The following NPR1 variants were observed in gnomAD, a reference collection of about 807,000 sequenced individuals.
NPR1 encodes atrial natriuretic peptide receptor 1.
Under a neutral mutation model 116.9 loss-of-function variants are expected in NPR1, and 57 were observed. The observed-to-expected ratio is 0.49, with a 90% CI of 0.39 to 0.61. NPR1 has a LOEUF of 0.61. Among genes scored for constraint, NPR1 ranks in the 20% least tolerant of loss-of-function variants. NPR1 has a pLI of 0.00. For synonymous variants in NPR1, 555 were observed against 601.6 expected, an observed-to-expected ratio of 0.92 and a Z score of 1.13; for missense variants, 1,096 against 1,409.8, an observed-to-expected ratio of 0.78 and a Z score of 3.56.
chr1:153,685,901 C>G lies in NPR1; in HGVS notation c.1680+21C>G, dbSNP rs779449219. On this transcript the variant is annotated intron_variant, in intron 9 of 21. Transcript: ENST00000368680. ...ATAAGGTGGGCCTGGGGAAAGATCA[C>G]TGGGCCTTGGGACTGGGGCAGGAGT... 4.4e-6 allele frequency: 7 copies of G among 1,606,226 alleles called. No homozygotes were observed. The Admixed American group carries it at 6.7e-5, about 15-fold the overall frequency.
Position 153,693,121 on chromosome 1 carries a change from T to C in NPR1, c.3047T>C (p.Leu1016Ser). The change falls in exon 21 of 22, where the codon TTG (leucine) becomes TCG (serine). Residue 1016 changes from leucine to serine, a missense_variant. By Grantham distance (145) the Leu-to-Ser change is moderately radical (BLOSUM62 -2). Coordinates refer to ENST00000368680, the MANE Select transcript of NPR1 (RefSeq NM_000906.4). ...ESNGEALKIH[L>S]SSETKAVLEE... ...TCCTACCCAGCCCTGAAGATCCACT[T>C]GTCTTCTGAGACCAAGGCTGTCCTG... 1 of 1,613,632 alleles carries C rather than the reference T, an allele frequency of 6.2e-7. No homozygotes were observed. Among genetic ancestry groups the C allele is most frequent in the South Asian group, 1.1e-5 (1 of 90,982 alleles).
At chr1:153,692,400 T>G (rs2101742170) in intron 20 of NPR1, among the ~76,000 whole-genome samples, 1 of 152,198 alleles carries the variant, frequency 6.6e-6, no homozygotes, top group Non-Finnish European at 1.5e-5. Context: ...CAACAGGATG[T>G]TCCATAGTCA....
In NPR1 at chr1:153,678,826, G is replaced by T. The variant is rs1336416283; in HGVS notation, c.-283G>T. On this transcript the variant is annotated 5_prime_UTR_variant, in exon 1 of 22. Transcript: ENST00000368680. The surrounding 1 kb of genome is among the most constrained non-coding windows in gnomAD (Gnocchi z 5.8). ...CTCTCTCTCTCTCTCTAACACGCAC[G>T]CACACTCCCAGTTGTTCACACTCGG... 3 of 433,092 alleles carry T rather than the reference G, an allele frequency of 6.9e-6. No individual in the cohort carries two copies. Among genetic ancestry groups the T allele is most frequent in the Admixed American group, 4.5e-5 (1 of 22,256 alleles). The allele number at this position is 433,092 out of a possible 1,614,324, so 26.8% of individuals were successfully genotyped here.
At position 153,687,611 on chromosome 1, in the gene NPR1, G is replaced by T. The variant is rs760817916; in HGVS notation, c.2093-23G>T. On this transcript the variant is annotated intron_variant, in intron 13 of 21. Coordinates refer to ENST00000368680, the MANE Select transcript of NPR1 (RefSeq NM_000906.4). ...TTAGCTTTGGGCTCCCTCACTCGGTGACTACCGACCTCTGACCCACAGAAA... is the reference window on the plus strand; with the variant it reads ...TTAGCTTTGGGCTCCCTCACTCGGTTACTACCGACCTCTGACCCACAGAAA... 6 of 1,555,104 alleles carry T rather than the reference G, an allele frequency of 3.9e-6. No individual in the cohort carries two copies. The African/African-American group carries it at 8.2e-5, about 21-fold the overall frequency.
chr1:153,681,705 T>C lies in NPR1; in HGVS notation c.1037T>C (p.Val346Ala), dbSNP rs763213697. Residue 346 changes from valine (V) to alanine (A), a missense_variant and splice_region_variant, in exon 4 of 22, where the codon GTG becomes GCG. Coordinates refer to ENST00000368680, the MANE Select transcript of NPR1 (RefSeq NM_000906.4). ...QFNFTMEDGLVNTIPASFHDG... is the reference protein window; with the variant it reads ...QFNFTMEDGLANTIPASFHDG... Reference sequence around the variant, plus strand: ...GCCGACCTCTGTTTGCCCCTACAGGTGAACACCATCCCAGCATCCTTCCAC... The same window carrying C: ...GCCGACCTCTGTTTGCCCCTACAGGCGAACACCATCCCAGCATCCTTCCAC... The C allele has an allele frequency of 6.2e-7, 1 of 1,613,698 alleles. No homozygotes were observed. The highest frequency in any genetic ancestry group is 1.7e-5 in the Admixed American group (1 of 59,982).
At chr1:153,690,048 G>T in intron 19 of NPR1, 68 bp downstream of exon 19, 1 of 1,356,850 alleles carries the variant, frequency 7.4e-7, no homozygotes. Flanking sequence ...TTGTCCCCTG[G>T]CCCAGCCCCT....
In NPR1 at chr1:153,681,709, C is replaced by T; in HGVS notation, c.1041C>T (p.Asn347=). The part of the protein sequence containing the change: ...FNFTMEDGLV[N]TIPASFHDGL... ...ACCTCTGTTTGCCCCTACAGGTGAA[C>T]ACCATCCCAGCATCCTTCCACGACG... is the stretch of plus-strand genomic sequence containing the variant. Residue 347 remains asparagine (N), a synonymous_variant, in exon 4 of 22, where the codon AAC becomes AAT. Coordinates refer to ENST00000368680, the MANE Select transcript of NPR1 (RefSeq NM_000906.4). 1 of 1,613,918 alleles carries T rather than the reference C, an allele frequency of 6.2e-7. No homozygotes were observed. Among genetic ancestry groups the T allele is most frequent in the Non-Finnish European group, 8.5e-7 (1 of 1,179,894 alleles).
intron 13 of NPR1, 113 bp downstream of exon 13, chr1:153,687,469 A>G: frequency 6.7e-7 from 1 of 1,493,818 alleles, no homozygotes; most frequent in Non-Finnish European, 9.0e-7. Flanking sequence ...GCCTCAATTC[A>G]TTCACCCATG....
At chr1:153,690,088 C>T in intron 19 of NPR1, 108 bp downstream of exon 19, 1 of 652,862 alleles carries the variant, frequency 1.5e-6, no homozygotes, top group Admixed American at 3.2e-5. Flanking sequence ...CTCTCTCTCT[C>T]TCTCTCTCTC....
chr1:153,686,948 C>T, intron 11 of NPR1, 68 bp from the exon 12 acceptor site: 1 of 1,532,190 alleles, frequency 6.5e-7, no homozygotes, highest in Non-Finnish European at 9.0e-7. Flanking sequence ...ATCAGTAGGA[C>T]CCTGCACCCT....
At chr1:153,684,925 G>A (rs199753650) in intron 7 of NPR1, 39 bp from the exon 8 acceptor site, 114 of 1,610,900 alleles carry the variant, frequency 7.1e-5, no homozygotes, top group East Asian at 4.2e-4. Flanking sequence ...CTGGGTCAGC[G>A]GCTCAGCCAC....
Position 153,689,085 on chromosome 1 carries a change from C to G in NPR1, c.2550C>G (p.Tyr850Ter). 1 of 1,614,196 alleles carries G rather than the reference C, an allele frequency of 6.2e-7. No individual in the cohort carries two copies. Among genetic ancestry groups the G allele is most frequent in the Non-Finnish European group, 8.5e-7 (1 of 1,180,010 alleles). Residue 850 changes from tyrosine to a stop codon, truncating the protein, a stop_gained, in exon 16 of 22, where the codon TAC becomes TAG. Coordinates refer to ENST00000368680, the MANE Select transcript of NPR1 (RefSeq NM_000906.4). LOFTEE classifies it high-confidence loss of function. This position sits in a 1 kb window ranked among gnomAD's most constrained non-coding sequence, Gnocchi z 5.1. ...EEKRKAEALL[Y>*]QILPHSVAEQ... ...AGCGCAAGGCTGAGGCCCTGCTCTA[C>G]CAGATCCTGCCTCAGTGAGTGCCTG...
Position 153,690,342 on chromosome 1 carries a change from T to C in NPR1, c.2991T>C (p.Asp997=). The C allele has an allele frequency of 6.4e-7, 1 of 1,561,006 alleles. No homozygotes were observed. The highest frequency in any genetic ancestry group is 8.7e-7 in the Non-Finnish European group (1 of 1,151,180). ...TGCCCCGTTACTGTCTCTTTGGGGA[T>C]ACAGTCAACACAGCCTCAAGAATGG... ...LKMPRYCLFG[D]TVNTASRMES... The change falls in exon 20 of 22, where the codon GAT becomes GAC. Residue 997 remains aspartate (D), a synonymous_variant. Coordinates refer to ENST00000368680, the MANE Select transcript of NPR1 (RefSeq NM_000906.4).
At chr1:153,687,607 C>T (rs376249725) in intron 13 of NPR1, 27 bp from the exon 14 acceptor site, 6 of 1,552,162 alleles carry the variant, frequency 3.9e-6, no homozygotes, top group Non-Finnish European at 5.2e-6. Context: ...CTCCCTCACT[C>T]GGTGACTACC....
intron 7 of NPR1, 126 bp from the exon 8 acceptor site, chr1:153,684,838 G>T: frequency 7.8e-7 from 1 of 1,289,838 alleles, no homozygotes; most frequent in Non-Finnish European, 1.1e-6. Flanking sequence ...TCAGTCCAGA[G>T]GATAGAATTC....
rs377018631 is a variant in NPR1, at chr1:153,687,004, T to C, written c.1864-12T>C. 1.7e-4 allele frequency: 277 copies of C among 1,613,992 alleles called. 1 individual carries two copies. The South Asian group carries it at 2.6e-3, about 15-fold the overall frequency. On this transcript the variant is annotated splice_polypyrimidine_tract_variant and intron_variant, in intron 11 of 21. Transcript: ENST00000368680. ...CTGCAGGGGATTGGTCTGACTCTTA[T>C]TGCCCCAGCAGGACATTCTGGAGAA...
chr1:153,687,944 C>T, intron 14 of NPR1, 109 bp from the exon 15 acceptor site: 1 of 1,086,212 alleles, frequency 9.2e-7, no homozygotes, highest in South Asian at 1.5e-5. Flanking sequence ...AGTCCCCCGC[C>T]CCCATGCCTT....
At chr1:153,688,266 C>T (rs990100053) in intron 15 of NPR1, 45 bp downstream of exon 15, 28 of 1,580,708 alleles carry the variant, frequency 1.8e-5, no homozygotes, top group Non-Finnish European at 2.4e-5. Flanking sequence ...TCCTCCACAG[C>T]CACCATTTAC....
At chr1:153,688,734 T>C in intron 15 of NPR1, 1 of 590,334 alleles carries the variant, frequency 1.7e-6, no homozygotes. Context: ...AAAATGTCCA[T>C]ATGTCTGAAG....
Sources: allele counts gnomAD v4.1 joint callset (sites outside exome capture counted in the v4.1 genomes callset), GRCh38; gene constraint gnomAD v4.1.1; non-coding constraint Gnocchi (gnomAD v3.1); transcripts MANE v1.5; gene names NCBI Gene and HGNC (gene_info 2026-07-23, HGNC 2026-07-21).